The following FAM53B variants were observed in gnomAD, a reference collection of about 807,000 sequenced individuals.
The protein encoded by FAM53B is family with sequence similarity 53 member B, also known as protein FAM53B.
FAM53B carries 12 observed loss-of-function variants against 32.7 expected under a neutral mutation model. That is an observed-to-expected ratio of 0.37 (90% CI 0.24 to 0.59). FAM53B has a LOEUF of 0.59. Ranked by LOEUF, FAM53B falls within the 20% of genes least tolerant of loss-of-function variation. FAM53B has a pLI of 0.72. For synonymous variants in FAM53B, 234 were observed against 228.7 expected (o/e 1.02, Z -0.21); for missense variants, 477 against 577.7 (o/e 0.83, Z 1.79).
intron 3 of FAM53B, among the ~76,000 whole-genome samples, chr10:124,683,184 C>T (rs908729297): frequency 1.3e-5 from 2 of 152,238 alleles, no homozygotes; most frequent in African/African-American, 4.8e-5. Context: ...CTATGAAATG[C>T]TACATTTGCA....
chr10:124,685,284 G>GA lies in FAM53B; in HGVS notation c.134-2906dup, dbSNP rs1287110805. Reference sequence around the variant, plus strand: ...TCTATAGTCTCCAAATGTCCTATGAGAAAAAATGTATTATCGAATATGTGG... The same window carrying GA: ...TCTATAGTCTCCAAATGTCCTATGAGAAAAAAATGTATTATCGAATATGTGG... On this transcript the variant is annotated intron_variant, in intron 3 of 4. Coordinates refer to ENST00000337318, the MANE Select transcript of FAM53B (RefSeq NM_014661.4). Among the ~76,000 whole-genome samples, 4 of 152,300 alleles carry GA rather than the reference G, an allele frequency of 2.6e-5. No individual in the cohort carries two copies. In the East Asian group the frequency reaches 5.8e-4, roughly 22 times the overall value.
intron 4 of FAM53B, among the ~76,000 whole-genome samples, chr10:124,638,800 G>A (rs1273552424): frequency 6.6e-6 from 1 of 152,250 alleles, no homozygotes; most frequent in African/African-American, 2.4e-5. Flanking sequence ...AGCACGTCCA[G>A]CAGGGCAGCT....
At chr10:124,640,892 C>A (rs939117309) in intron 4 of FAM53B, among the ~76,000 whole-genome samples, 1 of 152,190 alleles carries the variant, frequency 6.6e-6, no homozygotes, top group Non-Finnish European at 1.5e-5. Context: ...AACAGCCCGG[C>A]AAAGGCCGCA....
chr10:124,652,709 C>G (rs1466540264), intron 4 of FAM53B, among the ~76,000 whole-genome samples: 9 of 152,204 alleles, frequency 5.9e-5, no homozygotes, highest in Non-Finnish European at 1.2e-4. Flanking sequence ...GGTGGAGGGC[C>G]TGAAGCAGCA....
At chr10:124,697,745 G>C (rs917421270) in intron 2 of FAM53B, among the ~76,000 whole-genome samples, 1 of 152,080 alleles carries the variant, frequency 6.6e-6, no homozygotes, top group Admixed American at 6.5e-5. Context: ...GGAGCTTCTA[G>C]GGCGGAAGGG....
chr10:124,646,329 G>C (rs980946215), intron 4 of FAM53B, among the ~76,000 whole-genome samples: 2 of 152,210 alleles, frequency 1.3e-5, no homozygotes. Context: ...ATACAGATGG[G>C]CTGTATCTGC....
intron 2 of FAM53B, among the ~76,000 whole-genome samples, chr10:124,699,102 C>T (rs1434338592): frequency 1.3e-5 from 2 of 152,254 alleles, no homozygotes; most frequent in Non-Finnish European, 2.9e-5. Flanking sequence ...GTGCCTCCCA[C>T]CTGCTTTTCT....
chr10:124,684,331 C>T (rs1450815829), intron 3 of FAM53B, among the ~76,000 whole-genome samples: 1 of 152,208 alleles, frequency 6.6e-6, no homozygotes, highest in African/African-American at 2.4e-5. Context: ...AATATCTGCT[C>T]CTCCAACTGG....
At position 124,641,997 on chromosome 10, in the gene FAM53B, G is replaced by A. The variant is rs989154812; in HGVS notation, c.907-18393C>T. Among the ~76,000 whole-genome samples, 5 of 152,338 alleles carry A rather than the reference G, an allele frequency of 3.3e-5. No homozygotes were observed. In the East Asian group the frequency reaches 5.8e-4, roughly 18 times the overall value. On this transcript the variant is annotated intron_variant, in intron 4 of 4. Coordinates refer to ENST00000337318, the MANE Select transcript of FAM53B (RefSeq NM_014661.4). ...GCTAAGGTCACCCAGCTGGAGAGCC[G>A]GAAGCCTAAAGCAGGTACACAACTG...
chr10:124,711,239 C>T (rs1950001330), intron 1 of FAM53B, among the ~76,000 whole-genome samples: 1 of 152,132 alleles, frequency 6.6e-6, no homozygotes, highest in South Asian at 2.1e-4. Context: ...TCTAGGAGTC[C>T]ATTTATATCC....
chr10:124,662,457 CCCACCCAT>C (rs1173589943), intron 4 of FAM53B, among the ~76,000 whole-genome samples: 1 of 90,880 alleles, frequency 1.1e-5, no homozygotes, highest in African/African-American at 3.3e-5. Flanking sequence ...CACACACCCA[CCCACCCAT>C]CCATCCATCC....
intron 4 of FAM53B, among the ~76,000 whole-genome samples, chr10:124,662,824 T>G (rs1949643397): frequency 6.6e-6 from 1 of 152,096 alleles, no homozygotes; most frequent in African/African-American, 2.4e-5. Flanking sequence ...ATCCTGTCAA[T>G]CAATCGATTT....
At chr10:124,636,523 A>T (rs1431866303) in intron 4 of FAM53B, among the ~76,000 whole-genome samples, 1 of 152,154 alleles carries the variant, frequency 6.6e-6, no homozygotes, top group Non-Finnish European at 1.5e-5. Context: ...TTCACAGAAC[A>T]ACAGGAAGAG....
intron 1 of FAM53B, among the ~76,000 whole-genome samples, chr10:124,724,104 T>A (rs946507001): frequency 6.6e-6 from 1 of 152,138 alleles, no homozygotes; most frequent in Non-Finnish European, 1.5e-5. Flanking sequence ...TGTCATACGA[T>A]AATAAATCCA....
At chr10:124,720,856 T>G (rs1422538012) in intron 1 of FAM53B, among the ~76,000 whole-genome samples, 1 of 152,178 alleles carries the variant, frequency 6.6e-6, no homozygotes, top group Non-Finnish European at 1.5e-5. Context: ...AGGGTATTAT[T>G]AAAATATCTT....
intron 4 of FAM53B, among the ~76,000 whole-genome samples, chr10:124,660,916 T>G (rs1292176213): frequency 6.6e-6 from 1 of 152,122 alleles, no homozygotes; most frequent in Non-Finnish European, 1.5e-5. Flanking sequence ...TAAAACTTTA[T>G]TTATAAAAAC....
At chr10:124,732,793 G>A (rs892254292) in intron 1 of FAM53B, among the ~76,000 whole-genome samples, 6 of 151,030 alleles carry the variant, frequency 4.0e-5, no homozygotes, top group Non-Finnish European at 8.8e-5. Flanking sequence ...CGCCACTGCT[G>A]CACTCCAGCC....
chr10:124,669,803 T>C (rs1949695916), intron 4 of FAM53B, among the ~76,000 whole-genome samples: 2 of 151,688 alleles, frequency 1.3e-5, no homozygotes. Context: ...AGCAAGTACA[T>C]GGCCTCGGCA....
chr10:124,638,243 G>A (rs537538883), intron 4 of FAM53B, among the ~76,000 whole-genome samples: 4 of 152,202 alleles, frequency 2.6e-5, no homozygotes, highest in African/African-American at 4.8e-5. Context: ...GGTGGCGGGC[G>A]CCTGTAGTCC....
Sources: gnomAD v4.1 joint callset for allele counts (sites outside exome capture counted in the v4.1 genomes callset) on GRCh38, gnomAD v4.1.1 for gene constraint, MANE v1.5 for transcripts, NCBI Gene and HGNC (gene_info 2026-07-23, HGNC 2026-07-21) for gene names.